Variants in ZNF563 observed in about 807,000 individuals in gnomAD.
ZNF563 encodes the protein zinc finger protein 563.
A neutral mutation model predicts 48.5 loss-of-function variants in ZNF563; 39 were observed. The ratio of observed to expected loss-of-function variants is 0.80; its 90% CI spans 0.62 to 1.05. The LOEUF (loss-of-function observed/expected upper bound fraction) is 1.05, where lower values mean the gene tolerates loss of function less well. Among genes scored for constraint, ZNF563 ranks in the 50% least tolerant of loss-of-function variants. ZNF563 has a pLI of 0.00. For synonymous variants in ZNF563, 168 were observed against 187.9 expected (o/e 0.89, Z 0.87); for missense variants, 538 against 597.0 (o/e 0.90, Z 1.03).
chr19:12,330,277 T>C (rs1023570149), intron 1 of ZNF563, among the ~76,000 whole-genome samples: 1 of 152,072 alleles, frequency 6.6e-6, no homozygotes, highest in African/African-American at 2.4e-5. Flanking sequence ...GTACCAAAAA[T>C]AGACAGACAT....
rs201781124 is a variant in ZNF563 at position 12,332,330 on chromosome 19, TG to T, written c.3+1149del. On this transcript the variant is annotated intron_variant, in intron 1 of 3. Coordinates refer to ENST00000293725, the MANE Select transcript of ZNF563 (RefSeq NM_145276.3). ...TGCAGGTAAGTTACGGGTCTAACTT[TG>T]TTTTTTTTCTTTTTTCTTTTTTTTT... 1.5e-3 allele frequency among the ~76,000 whole-genome samples: 223 copies of T among 151,590 alleles called. 1 individual carries two copies. Among genetic ancestry groups the T allele is most frequent in the African/African-American group, 5.2e-3 (215 of 41,094 alleles).
the ZNF563 span, among the ~76,000 whole-genome samples, chr19:12,339,940 T>C: frequency 7.7e-3 from 1,169 of 152,204 alleles, 18 homozygotes; most frequent in South Asian, 0.057. Context: ...AAAGAAGTGA[T>C]TCATCACATA....
chr19:12,318,716 G>A lies in ZNF563; in HGVS notation c.1309C>T (p.Arg437Ter), dbSNP rs764916115. The change falls in exon 4 of 4, where the codon CGA becomes TGA. Residue 437 changes from arginine to a stop codon, truncating the protein, a stop_gained. Transcript: ENST00000293725. LOFTEE classifies it high-confidence loss of function. ...GKALSHSSSF[R>*]RHMVMHTGDG... is the part of the protein sequence containing the mutation. Reference sequence around the variant, plus strand: ...CCCGTATGCATTACCATATGTCTTCGAAAGCTTGAGCTATGAGATAACGCT... The same window carrying A: ...CCCGTATGCATTACCATATGTCTTCAAAAGCTTGAGCTATGAGATAACGCT... 16 of 1,613,994 alleles carry A rather than the reference G, an allele frequency of 9.9e-6. No homozygotes were observed. In the East Asian group the frequency reaches 1.6e-4, roughly 16 times the overall value.
Position 12,319,559 on chromosome 19 carries a change from A to G in ZNF563, c.466T>C (p.Phe156Leu). 6.2e-7 allele frequency: 1 copy of G among 1,614,160 alleles called. No individual in the cohort carries two copies. The highest frequency in any genetic ancestry group is 8.5e-7 in the Non-Finnish European group (1 of 1,180,032). ...GTGTGAGGCCTTCCACGCGACTGAAAGGAGTGATGGTAACTGAAGGCTTTC... is the reference window on the plus strand; with the variant it reads ...GTGTGAGGCCTTCCACGCGACTGAAGGGAGTGATGGTAACTGAAGGCTTTC... ...RGKAFSYHHSFQSRGRPHTGK... is the reference protein window; with the variant it reads ...RGKAFSYHHSLQSRGRPHTGK... Residue 156 changes from phenylalanine (F) to leucine (L), a missense_variant, in exon 4 of 4, where the codon TTT (phenylalanine) becomes CTT (leucine). Coordinates refer to ENST00000293725, the MANE Select transcript of ZNF563 (RefSeq NM_145276.3).
upstream of ZNF563, chr19:12,333,729 AC>A: frequency 1.9e-6 from 1 of 534,040 alleles, no homozygotes; most frequent in Non-Finnish European, 3.3e-6. Flanking sequence ...AGTTCTCACG[AC>A]CCCGCCCCAT....
intron 1 of ZNF563, among the ~76,000 whole-genome samples, chr19:12,329,029 C>T (rs545083675): frequency 2.7e-4 from 41 of 152,164 alleles, no homozygotes; most frequent in African/African-American, 4.8e-5. Context: ...CTTAAAGAAT[C>T]GAATGCATTC....
chr19:12,338,358 G>C (rs1969039922), upstream of ZNF563, among the ~76,000 whole-genome samples: 1 of 151,034 alleles, frequency 6.6e-6, no homozygotes, highest in African/African-American at 2.5e-5. Flanking sequence ...AGTGATTCTT[G>C]TGCCTCAGCC....
intron 1 of ZNF563, among the ~76,000 whole-genome samples, chr19:12,323,937 G>T (rs1968701975): frequency 6.6e-6 from 1 of 152,168 alleles, no homozygotes; most frequent in Non-Finnish European, 1.5e-5. Context: ...ACATCTTATT[G>T]GGTAATGTCA....
intron 3 of ZNF563, among the ~76,000 whole-genome samples, chr19:12,320,432 C>T (rs1175747873): frequency 6.6e-6 from 1 of 151,774 alleles, no homozygotes; most frequent in African/African-American, 2.4e-5. Flanking sequence ...ACCTTGACCT[C>T]CTGAACTCAA....
At chr19:12,334,237 A>T (rs775062686), upstream of ZNF563, among the ~76,000 whole-genome samples, 8 of 152,240 alleles carry the variant, frequency 5.3e-5, no homozygotes, top group Non-Finnish European at 7.3e-5. Context: ...GTGTGGAAGA[A>T]CTGAAATCAC....
chr19:12,324,340 T>C (rs1249874467), intron 1 of ZNF563, among the ~76,000 whole-genome samples: 1 of 151,194 alleles, frequency 6.6e-6, no homozygotes, highest in African/African-American at 2.4e-5. Flanking sequence ...GCATGGGTGA[T>C]ACAGTGAGAC....
chr19:12,343,931 G>A, the ZNF563 span, among the ~76,000 whole-genome samples: 5 of 151,756 alleles, frequency 3.3e-5, no homozygotes, highest in Non-Finnish European at 5.9e-5. Flanking sequence ...GGGTTTCACC[G>A]TGTTAGCCAG....
intron 1 of ZNF563, among the ~76,000 whole-genome samples, chr19:12,330,459 C>A (rs1390534732): frequency 6.6e-6 from 1 of 152,096 alleles, no homozygotes; most frequent in Non-Finnish European, 1.5e-5. Flanking sequence ...GTATAGCAAT[C>A]CTACGTAATT....
Position 12,319,035 on chromosome 19 carries a change from C to A in ZNF563, c.990G>T (p.Arg330Ser). The stretch of plus-strand genomic sequence containing the variant: ...ATTTATGAGGTCGATCTCCAGTGTG[C>A]CTTTTCATGTGTATCTGAAAGCTTC... ...HLGSFQIHMKRHTGDRPHKCK... is the reference protein window; with the variant it reads ...HLGSFQIHMKSHTGDRPHKCK... The change falls in exon 4 of 4, where the codon AGG becomes AGT. Residue 330 changes from arginine (R) to serine (S), a missense_variant. By Grantham distance (110) the Arg-to-Ser change is moderately radical (BLOSUM62 -1). Transcript: ENST00000293725. 4 of 1,614,102 alleles carry A rather than the reference C, an allele frequency of 2.5e-6. No homozygotes were observed. The highest frequency in any genetic ancestry group is 3.4e-6 in the Non-Finnish European group (4 of 1,180,034).
the ZNF563 span, chr19:12,346,520 A>C: frequency 1.3e-5 from 2 of 152,264 alleles, no homozygotes; most frequent in South Asian, 4.1e-4. Flanking sequence ...CACTTTGTAA[A>C]GCAATATACC....
chr19:12,333,779 G>A (rs966834283), upstream of ZNF563: 1 of 473,086 alleles, frequency 2.1e-6, no homozygotes, highest in Non-Finnish European at 3.8e-6. Flanking sequence ...CGCCCCCTGG[G>A]CACTGAGTGA....
At chr19:12,319,930 T>TTC in intron 3 of ZNF563, 97 bp from the exon 4 acceptor site, 1 of 1,090,324 alleles carries the variant, frequency 9.2e-7, no homozygotes, top group East Asian at 2.6e-5. Context: ...TTTTTTTTTT[T>TTC]CCCTGAGATG....
Position 12,326,633 on chromosome 19 carries a change from C to G in ZNF563, c.4-3922G>C, listed in dbSNP as rs557043286. Among the ~76,000 whole-genome samples, 3 of 141,556 alleles carry G rather than the reference C, an allele frequency of 2.1e-5. No homozygotes were observed. The South Asian group carries it at 6.6e-4, about 31-fold the overall frequency. 92.9% of individuals were successfully genotyped at this position (141,556 alleles called of 152,430 possible). A position where few individuals can be genotyped will look rare whatever the true frequency, so the allele number is the denominator to read the frequency against. ...CACTCCAGTATGGGCGACTGAGACT[C>G]TGTCTCAAAAAAAAAAAAAATCAGC... On this transcript the variant is annotated intron_variant, in intron 1 of 3. Transcript: ENST00000293725.
At chr19:12,339,273 CTTT>C in the ZNF563 span, among the ~76,000 whole-genome samples, 1,264 of 86,524 alleles carry the variant, frequency 0.015, 29 homozygotes, top group African/African-American at 0.048. Context: ...CAGTTGATTT[CTTT>C]TTTTTTTTTT....
Sources: gnomAD v4.1 joint callset for allele counts (sites outside exome capture counted in the v4.1 genomes callset) on GRCh38, gnomAD v4.1.1 for gene constraint, MANE v1.5 for transcripts, NCBI Gene and HGNC (gene_info 2026-07-23, HGNC 2026-07-21) for gene names.